The following ERP44 variants were observed in gnomAD, a reference collection of about 807,000 sequenced individuals.
ERP44 encodes endoplasmic reticulum protein 44.
ERP44 carries 25 observed loss-of-function variants against 53.4 expected under a neutral mutation model. The ratio of observed to expected loss-of-function variants is 0.47; its 90% CI spans 0.34 to 0.65. The LOEUF (loss-of-function observed/expected upper bound fraction) is 0.65. Among genes scored for constraint, ERP44 ranks in the 30% least tolerant of loss-of-function variants. The pLI is 0.01. For missense variants in ERP44, 338 were observed against 493.2 expected (o/e 0.69, Z 2.98); for synonymous variants, 145 against 161.2 (o/e 0.90, Z 0.76).
Position 99,979,711 on chromosome 9 carries a change from C to T in ERP44, c.*2901G>A. ...CGTGTTCTTCAGTCTGGTCTTGCATCCTCTCTTCCCAGCTGAGAAGCCTGA... is the reference window on the plus strand; with the variant it reads ...CGTGTTCTTCAGTCTGGTCTTGCATTCTCTCTTCCCAGCTGAGAAGCCTGA... On this transcript the variant is annotated 3_prime_UTR_variant, in exon 12 of 12. Coordinates refer to ENST00000262455, the MANE Select transcript of ERP44 (RefSeq NM_015051.3). 2.7e-6 allele frequency: 1 copy of T among 370,930 alleles called. No individual in the cohort carries two copies. The highest frequency in any genetic ancestry group is 4.8e-6 in the Non-Finnish European group (1 of 208,974). 23.0% of individuals were successfully genotyped at this position (370,930 alleles called of 1,614,324 possible).
chr9:100,084,992 C>T (rs182386418), intron 1 of ERP44, among the ~76,000 whole-genome samples: 1 of 152,310 alleles, frequency 6.6e-6, no homozygotes, highest in African/African-American at 2.4e-5. Flanking sequence ...GGTGGTTTAT[C>T]TTGCCTCATG....
intron 4 of ERP44, among the ~76,000 whole-genome samples, chr9:100,046,722 C>G (rs1454156375): frequency 6.6e-6 from 1 of 151,934 alleles, no homozygotes; most frequent in Non-Finnish European, 1.5e-5. Context: ...CAAAGTAACC[C>G]CAGTTAAAAT....
chr9:100,029,466 TGA>T (rs1255032287), intron 4 of ERP44, among the ~76,000 whole-genome samples: 7 of 152,176 alleles, frequency 4.6e-5, no homozygotes, highest in African/African-American at 1.4e-4. Context: ...GAAACCACAA[TGA>T]GATATCATTT....
chr9:99,998,580 G>A (rs1485425545), intron 10 of ERP44: 1 of 736,494 alleles, frequency 1.4e-6, no homozygotes, highest in South Asian at 1.4e-5. Context: ...TGAGCTCTGT[G>A]CCTCCTGCCG....
intron 1 of ERP44, among the ~76,000 whole-genome samples, chr9:100,068,875 G>A (rs1006774698): frequency 2.0e-5 from 3 of 152,256 alleles, no homozygotes; most frequent in Admixed American, 2.0e-4. Flanking sequence ...AAAAGATTGA[G>A]AAAACGGATG....
rs1301846788 is a variant in ERP44, at chr9:99,982,845, C to G, written c.1120-132G>C. ...ATTAATCAATAAAAGCAACTGTGTG[C>G]CAAAGCAAGATATTTAAATGTGAAA... On this transcript the variant is annotated intron_variant, in intron 11 of 11. Transcript: ENST00000262455. 63 of 451,406 alleles carry G rather than the reference C, an allele frequency of 1.4e-4. No individual in the cohort carries two copies. In the East Asian group the frequency reaches 2.2e-3, roughly 16 times the overall value. 28.0% of individuals were successfully genotyped at this position (451,406 alleles called of 1,614,324 possible). A position where few individuals can be genotyped will look rare whatever the true frequency, so the allele number is the denominator to read the frequency against.
intron 10 of ERP44, among the ~76,000 whole-genome samples, chr9:99,992,460 T>C (rs1314433389): frequency 6.6e-6 from 1 of 152,178 alleles, no homozygotes; most frequent in Non-Finnish European, 1.5e-5. Context: ...TTGACAAAAT[T>C]CAACAGCCCT....
In ERP44 at chr9:99,982,510, CA is replaced by C; in HGVS notation, c.*101del. 1 of 520,216 alleles carries C rather than the reference CA, an allele frequency of 1.9e-6. No homozygotes were observed. The highest frequency in any genetic ancestry group is 3.0e-6 in the Non-Finnish European group (1 of 334,934). 32.2% of individuals were successfully genotyped at this position (520,216 alleles called of 1,614,324 possible). On this transcript the variant is annotated 3_prime_UTR_variant, in exon 12 of 12. Coordinates refer to ENST00000262455, the MANE Select transcript of ERP44 (RefSeq NM_015051.3). The stretch of plus-strand genomic sequence containing the variant: ...AACCCAAAATTTCTTTCTGTTTATT[CA>C]AAATAAAAATACACATAGAATTATG...
chr9:100,028,192 A>T (rs1384381119), intron 4 of ERP44, among the ~76,000 whole-genome samples: 1 of 152,206 alleles, frequency 6.6e-6, no homozygotes, highest in African/African-American at 2.4e-5. Context: ...TACCTAATCA[A>T]GGACAATTAC....
chr9:99,986,833 G>C (rs1309013774), intron 10 of ERP44, among the ~76,000 whole-genome samples: 8 of 152,230 alleles, frequency 5.3e-5, no homozygotes, highest in Admixed American at 1.3e-4. Context: ...ACATGCACCA[G>C]AGATAAACAT....
At chr9:99,992,878 C>T (rs1176324524) in intron 10 of ERP44, among the ~76,000 whole-genome samples, 1 of 152,182 alleles carries the variant, frequency 6.6e-6, no homozygotes, top group East Asian at 1.9e-4. Flanking sequence ...CAGTAACAGA[C>T]AGCCAGCCAA....
intron 10 of ERP44, among the ~76,000 whole-genome samples, chr9:99,997,612 G>C (rs992674963): frequency 1.3e-5 from 2 of 152,034 alleles, no homozygotes; most frequent in African/African-American, 2.4e-5. Context: ...CAAAATTTCT[G>C]TTATTTGGGC....
In ERP44 at chr9:100,021,364, G is replaced by A. The variant is rs140588065; in HGVS notation, c.472-633C>T. On this transcript the variant is annotated intron_variant, in intron 5 of 11. Coordinates refer to ENST00000262455, the MANE Select transcript of ERP44 (RefSeq NM_015051.3). ...TGTATTGCCTCCATAGGATTTGGAG[G>A]GCAAGGAAACAAATGCAAACATGCT... 2.4e-3 allele frequency among the ~76,000 whole-genome samples: 366 copies of A among 152,266 alleles called. 2 individuals are homozygous for A. The highest frequency in any genetic ancestry group is 8.3e-3 in the African/African-American group (343 of 41,544).
intron 4 of ERP44, among the ~76,000 whole-genome samples, chr9:100,029,948 C>T (rs980816021): frequency 2.0e-5 from 3 of 152,008 alleles, no homozygotes; most frequent in African/African-American, 7.3e-5. Context: ...ATTAGCCGGG[C>T]GTGGTGGTGC....
chr9:100,001,564 TG>T (rs939835505), intron 10 of ERP44, among the ~76,000 whole-genome samples: 7 of 152,208 alleles, frequency 4.6e-5, no homozygotes, highest in African/African-American at 1.7e-4. Context: ...CTTGCTGAAT[TG>T]ATCTCTTTAT....
intron 4 of ERP44, among the ~76,000 whole-genome samples, chr9:100,025,870 A>C (rs1434319665): frequency 6.6e-6 from 1 of 152,206 alleles, no homozygotes; most frequent in African/African-American, 2.4e-5. Context: ...CCAAAAGGGA[A>C]TCTACAAATG....
chr9:100,058,965 G>A (rs1376044161), intron 2 of ERP44, among the ~76,000 whole-genome samples: 2 of 152,132 alleles, frequency 1.3e-5, no homozygotes, highest in Non-Finnish European at 2.9e-5. Context: ...AACATCACCT[G>A]GGAACTCACA....
rs71498723 is a variant in ERP44, at chr9:99,994,019, TGTG to T, written c.1017-8953_1017-8951del. 9.5e-3 allele frequency among the ~76,000 whole-genome samples: 1,451 copies of T among 152,264 alleles called. 13 individuals are homozygous for T. The highest frequency in any genetic ancestry group is 0.011 in the African/African-American group (477 of 41,548). On this transcript the variant is annotated intron_variant, in intron 10 of 11. Coordinates refer to ENST00000262455, the MANE Select transcript of ERP44 (RefSeq NM_015051.3). ...AGGAAACAACAGGTGCTGGAGAGGA[TGTG>T]GAGAAATAGGAACGCTTTTACACTG...
chr9:99,994,730 C>G (rs778509171), intron 10 of ERP44, among the ~76,000 whole-genome samples: 3 of 152,168 alleles, frequency 2.0e-5, no homozygotes, highest in Non-Finnish European at 4.4e-5. Context: ...TGTACCTACT[C>G]TTTCACCTAT....
Sources: allele counts gnomAD v4.1 joint callset (sites outside exome capture counted in the v4.1 genomes callset), GRCh38; gene constraint gnomAD v4.1.1; transcripts MANE v1.5; gene names NCBI Gene and HGNC (gene_info 2026-07-23, HGNC 2026-07-21).